N4BP2L2: variants seen among roughly 807,000 people sequenced by gnomAD.
The protein encoded by N4BP2L2 is NEDD4-binding protein 2-like 2.
A neutral mutation model predicts 56.2 loss-of-function variants in N4BP2L2; 50 were observed. The ratio of observed to expected loss-of-function variants is 0.89; its 90% CI spans 0.71 to 1.13. N4BP2L2 has a LOEUF of 1.13. N4BP2L2 is among the 50% of genes most tolerant of loss of function. The probability of loss-of-function intolerance (pLI) is 0.00; values close to 1 mark genes in which losing one functional copy is unlikely to be tolerated. For synonymous variants in N4BP2L2, 203 were observed against 223.6 expected (o/e 0.91, Z 0.82); for missense variants, 689 against 693.8 (o/e 0.99, Z 0.08).
At chr13:32,460,890 G>A (rs1282617475) in intron 6 of N4BP2L2, among the ~76,000 whole-genome samples, 1 of 152,046 alleles carries the variant, frequency 6.6e-6, no homozygotes, top group African/African-American at 2.4e-5. Context: ...AACCAAAACA[G>A]CATGATATTG....
At chr13:32,442,149 G>A (rs1360357629) in intron 7 of N4BP2L2, among the ~76,000 whole-genome samples, 2 of 152,078 alleles carry the variant, frequency 1.3e-5, no homozygotes, top group African/African-American at 4.8e-5. Flanking sequence ...TATTGAAATT[G>A]AGAGCCCAAG....
chr13:32,480,562 A>G, intron 6 of N4BP2L2: 1 of 1,188,236 alleles, frequency 8.4e-7, no homozygotes, highest in Non-Finnish European at 1.1e-6. Flanking sequence ...TAGATCCATT[A>G]TATCATTACT....
chr13:32,507,964 G>T (rs2091216798), downstream of N4BP2L2: 1 of 152,058 alleles, frequency 6.6e-6, no homozygotes, highest in Non-Finnish European at 1.5e-5. Context: ...GAAATTTGAA[G>T]AATTCTAAAA....
At chr13:32,491,919 C>A (rs375329162) in intron 6 of N4BP2L2, among the ~76,000 whole-genome samples, 1 of 151,948 alleles carries the variant, frequency 6.6e-6, no homozygotes, top group Non-Finnish European at 1.5e-5. Context: ...CATGAGCCAC[C>A]GCACCCGGCC....
chr13:32,536,516 T>A (rs775596036), exon 2 of N4BP2L2: 3 of 1,613,704 alleles, frequency 1.9e-6, no homozygotes, highest in Non-Finnish European at 2.5e-6. Context: ...CTGGAATAAT[T>A]CATTGTCAAT....
exon 6 of N4BP2L2, chr13:32,510,895 C>A (rs2047987768): frequency 3.3e-5 from 5 of 151,366 alleles, no homozygotes; most frequent in Admixed American, 3.3e-4. Context: ...TACCTTATAA[C>A]CTTAAAAAAT....
chr13:32,535,749 A>G lies in N4BP2L2; in HGVS notation c.1259+20T>C. 1.3e-6 allele frequency: 2 copies of G among 1,593,312 alleles called. No individual in the cohort carries two copies. The highest frequency in any genetic ancestry group is 1.7e-6 in the Non-Finnish European group (2 of 1,170,546). ...TTAAATAATGAATTACCAAGTATTC[A>G]GTTGGTATCCTTTACTTACCGAGAC... On this transcript the variant is annotated intron_variant, in intron 2 of 5. Transcript: ENST00000267068.
chr13:32,472,024 C>T lies in N4BP2L2; in HGVS notation c.366-27898G>A, dbSNP rs142713312. Among the ~76,000 whole-genome samples the T allele has an allele frequency of 3.9e-5, 6 of 152,308 alleles. No individual in the cohort carries two copies. In the East Asian group the frequency reaches 7.7e-4, roughly 20 times the overall value. ...CTCTCTAGGCCTAACTTCCACTTTA[C>T]AAGAAATGCAAAGGCTAGAAGATGT... On this transcript the variant is annotated intron_variant, in intron 6 of 9. Transcript: ENST00000357505.
chr13:32,536,111 T>G, exon 2 of N4BP2L2: 1 of 1,614,106 alleles, frequency 6.2e-7, no homozygotes, highest in Non-Finnish European at 8.5e-7. Context: ...ATCTTGGGCT[T>G]GGAAAATATT....
At chr13:32,487,545 G>A (rs528558054) in intron 6 of N4BP2L2, among the ~76,000 whole-genome samples, 12 of 151,208 alleles carry the variant, frequency 7.9e-5, no homozygotes, top group Admixed American at 2.6e-4. Flanking sequence ...TGTGGCATGC[G>A]CCTGTAATCC....
intron 6 of N4BP2L2, among the ~76,000 whole-genome samples, chr13:32,497,797 G>A (rs999640182): frequency 2.6e-5 from 4 of 152,106 alleles, no homozygotes; most frequent in African/African-American, 9.7e-5. Context: ...CAAAATGTTC[G>A]GTGGCCTCCC....
chr13:32,510,392 G>T (rs936841753), exon 6 of N4BP2L2: 2 of 151,548 alleles, frequency 1.3e-5, no homozygotes, highest in Non-Finnish European at 1.5e-5. Context: ...AACAGTATAT[G>T]TAAATAATTC....
At chr13:32,492,916 GTTTTT>G (rs35025430) in intron 6 of N4BP2L2, among the ~76,000 whole-genome samples, 1 of 107,516 alleles carries the variant, frequency 9.3e-6, no homozygotes, top group Non-Finnish European at 1.8e-5. Flanking sequence ...TAGCTTTTCT[GTTTTT>G]TTTTTTTTTT....
intron 6 of N4BP2L2, among the ~76,000 whole-genome samples, chr13:32,466,458 T>C (rs758452865): frequency 4.0e-4 from 61 of 151,942 alleles, no homozygotes; most frequent in Admixed American, 4.6e-4. Context: ...TCTCAGCTAC[T>C]CCAGAGGCTG....
At chr13:32,441,363 G>C (rs761531449) in intron 7 of N4BP2L2, among the ~76,000 whole-genome samples, 6 of 152,128 alleles carry the variant, frequency 3.9e-5, no homozygotes, top group Non-Finnish European at 8.8e-5. Flanking sequence ...AAAGAGCCAC[G>C]TGTCAAACAA....
intron 6 of N4BP2L2, among the ~76,000 whole-genome samples, chr13:32,500,399 A>C (rs1300363061): frequency 6.6e-6 from 1 of 152,134 alleles, no homozygotes; most frequent in Non-Finnish European, 1.5e-5. Context: ...TAAAAGTAGA[A>C]AATAAAAAGT....
chr13:32,525,958 G>A (rs1366758926), intron 3 of N4BP2L2, among the ~76,000 whole-genome samples: 1 of 147,294 alleles, frequency 6.8e-6, no homozygotes, highest in Admixed American at 6.9e-5. Flanking sequence ...ACAGAGGGAA[G>A]AGGTTGTCCC....
In N4BP2L2 at chr13:32,502,641, G is replaced by A. The variant is rs529055559; in HGVS notation, c.365+15216C>T. On this transcript the variant is annotated intron_variant, in intron 6 of 9. Transcript: ENST00000357505. ...TCAGAAAATTAAGTGACTTGATCAA[G>A]TGCAGTCAAAACTGCAACTTAACTT... Among the ~76,000 whole-genome samples, 5 of 152,270 alleles carry A rather than the reference G, an allele frequency of 3.3e-5. No homozygotes were observed. In the South Asian group the frequency reaches 6.2e-4, roughly 19 times the overall value.
chr13:32,436,441 A>G (rs1338749241), intron 8 of N4BP2L2: 2 of 994,466 alleles, frequency 2.0e-6, no homozygotes, highest in African/African-American at 1.7e-5. Flanking sequence ...AAATATTAAT[A>G]TTTGGCATTG....
Sources: allele counts gnomAD v4.1 joint callset (sites outside exome capture counted in the v4.1 genomes callset), GRCh38; gene constraint gnomAD v4.1.1; transcripts MANE v1.5; gene names NCBI Gene and HGNC (gene_info 2026-07-23, HGNC 2026-07-21).